KLF13: variants seen among roughly 807,000 people sequenced by gnomAD.
KLF13 encodes the protein KLF transcription factor 13.
A neutral mutation model predicts 16.7 loss-of-function variants in KLF13; 8 were observed. That is an observed-to-expected ratio of 0.48 (90% confidence interval 0.28 to 0.87). KLF13 has a LOEUF of 0.87. Among genes scored for constraint, KLF13 ranks in the 40% least tolerant of loss-of-function variants. KLF13 has a pLI of 0.10. For synonymous variants in KLF13, 245 were observed against 208.4 expected (o/e 1.18, Z -1.51); for missense variants, 447 against 452.2 (o/e 0.99, Z 0.10).
chr15:31,338,820 T>A (rs1442535567), intron 1 of KLF13, among the ~76,000 whole-genome samples: 3 of 152,064 alleles, frequency 2.0e-5, no homozygotes, highest in Non-Finnish European at 4.4e-5. Context: ...TCTGGCCCCA[T>A]TCTCACTTCC....
At chr15:31,384,049 G>C (rs2039765686) in intron 1 of KLF13, among the ~76,000 whole-genome samples, 1 of 152,242 alleles carries the variant, frequency 6.6e-6, no homozygotes, top group South Asian at 2.1e-4. Flanking sequence ...TGAAAGAGGT[G>C]AGGTAGGTTG....
In KLF13 at chr15:31,416,116, A is replaced by G. The variant is rs543733112; in HGVS notation, n.118-19254A>G. Among the ~76,000 whole-genome samples the G allele has an allele frequency of 8.5e-5, 13 of 152,252 alleles. 1 individual carries two copies. Among genetic ancestry groups the G allele is most frequent in the Middle Eastern group, 3.4e-3 (1 of 294 alleles). On this transcript the variant is annotated intron_variant and non_coding_transcript_variant, in intron 1 of 1. Transcript: ENST00000558225. The stretch of plus-strand genomic sequence containing the variant: ...TTCTAGAAAGATACAAACTACCAAA[A>G]CTGATTACACAAGAAATAAACAATC...
intron 1 of KLF13, among the ~76,000 whole-genome samples, chr15:31,431,302 G>A (rs1328671829): frequency 6.6e-6 from 1 of 152,054 alleles, no homozygotes; most frequent in Non-Finnish European, 1.5e-5. Flanking sequence ...CATCCAGTGT[G>A]TGGTATTATT....
chr15:31,359,060 G>A (rs1386934161), intron 1 of KLF13, among the ~76,000 whole-genome samples: 1 of 152,226 alleles, frequency 6.6e-6, no homozygotes, highest in African/African-American at 2.4e-5. Context: ...TTTGGGTTCA[G>A]CTCTCATGAG....
chr15:31,365,313 G>T (rs1000480915), intron 1 of KLF13, among the ~76,000 whole-genome samples: 1 of 152,204 alleles, frequency 6.6e-6, no homozygotes, highest in East Asian at 1.9e-4. Context: ...CCAGAGGTCT[G>T]TTGTATCCAA....
chr15:31,334,518 C>T (rs569356397), intron 1 of KLF13, among the ~76,000 whole-genome samples: 103 of 152,204 alleles, frequency 6.8e-4, no homozygotes, highest in African/African-American at 2.4e-3. Context: ...ACCTCCGCCT[C>T]CCGGGTTCAA....
chr15:31,394,590 TG>T (rs1034928815), intron 2 of KLF13, among the ~76,000 whole-genome samples: 2 of 152,184 alleles, frequency 1.3e-5, no homozygotes, highest in African/African-American at 4.8e-5. Context: ...AGAAGTCCTG[TG>T]GATATGGGCA....
chr15:31,432,593 C>T (rs1437195628), intron 1 of KLF13, among the ~76,000 whole-genome samples: 6 of 151,908 alleles, frequency 3.9e-5, no homozygotes, highest in African/African-American at 1.5e-4. Flanking sequence ...GGACTATAGG[C>T]ATGCACCACC....
At position 31,327,180 on chromosome 15, in the gene KLF13, G is replaced by A; in HGVS notation, c.-33G>A. 3.3e-6 allele frequency: 4 copies of A among 1,230,478 alleles called. No homozygotes were observed. The highest frequency in any genetic ancestry group is 3.4e-4 in the Middle Eastern group (1 of 2,948). The allele number at this position is 1,230,478 out of a possible 1,614,324, so 76.2% of individuals were successfully genotyped here. Reference sequence around the variant, plus strand: ...GCGGATGCGCGGCTGACGACTCGCAGCAAGAGCACCGCCGCCGGCCCCAGC... The same window carrying A: ...GCGGATGCGCGGCTGACGACTCGCAACAAGAGCACCGCCGCCGGCCCCAGC... On this transcript the variant is annotated 5_prime_UTR_variant, in exon 1 of 2. Coordinates refer to ENST00000307145, the MANE Select transcript of KLF13 (RefSeq NM_015995.4).
intron 1 of KLF13, among the ~76,000 whole-genome samples, chr15:31,369,908 CTCTA>C (rs1297931225): frequency 6.6e-6 from 1 of 152,182 alleles, no homozygotes; most frequent in Non-Finnish European, 1.5e-5. Context: ...TTCCCCCTCT[CTCTA>C]TTAAGCTGTG....
chr15:31,413,095 C>T (rs1595507539), intron 1 of KLF13, among the ~76,000 whole-genome samples: 2 of 148,562 alleles, frequency 1.3e-5, no homozygotes, highest in Non-Finnish European at 1.5e-5. Flanking sequence ...AGTGGTTTCA[C>T]ATCTGGATGT....
intron 1 of KLF13, among the ~76,000 whole-genome samples, chr15:31,360,368 C>CT (rs1256717401): frequency 3.9e-5 from 6 of 152,216 alleles, no homozygotes; most frequent in Non-Finnish European, 5.9e-5. Context: ...CAGTGGGGCT[C>CT]TGTTTCAGGC....
intron 1 of KLF13, among the ~76,000 whole-genome samples, chr15:31,385,179 G>A (rs951803924): frequency 2.0e-5 from 3 of 152,168 alleles, no homozygotes; most frequent in African/African-American, 7.2e-5. Context: ...GGACTTCCCT[G>A]CCTCTAGAAC....
In KLF13 at chr15:31,371,995, C is replaced by T. The variant is rs1020595988; in HGVS notation, c.578-15C>T. On this transcript the variant is annotated splice_polypyrimidine_tract_variant and intron_variant, in intron 1 of 1. Transcript: ENST00000307145. ...GCCAGGTGCGGATACTGATGCTCTGCCCCTGTGCCCACAGGTGAGAGGCCC... is the reference window on the plus strand; with the variant it reads ...GCCAGGTGCGGATACTGATGCTCTGTCCCTGTGCCCACAGGTGAGAGGCCC... 1 of 1,590,244 alleles carries T rather than the reference C, an allele frequency of 6.3e-7. No homozygotes were observed. Among genetic ancestry groups the T allele is most frequent in the Admixed American group, 1.8e-5 (1 of 56,648 alleles).
At chr15:31,401,190 G>A (rs1276945139) in intron 2 of KLF13, among the ~76,000 whole-genome samples, 2 of 152,112 alleles carry the variant, frequency 1.3e-5, no homozygotes, top group African/African-American at 4.8e-5. Context: ...AGTAGAGACC[G>A]GGTTTCACCA....
chr15:31,349,068 C>G (rs978075719), intron 1 of KLF13, among the ~76,000 whole-genome samples: 3 of 152,166 alleles, frequency 2.0e-5, no homozygotes, highest in African/African-American at 7.2e-5. Flanking sequence ...TATGGGTTTT[C>G]AGGAGGCACA....
rs76553881 is a variant in KLF13, at chr15:31,428,465, A to G, written n.118-6905A>G. On this transcript the variant is annotated intron_variant and non_coding_transcript_variant, in intron 1 of 1. Transcript: ENST00000558225. ...ATGTAACCTCAGTCAAAATTTCAAC[A>G]GGTTTTTTGGTAGAACTTCAGAAGC... Among the ~76,000 whole-genome samples the G allele has an allele frequency of 3.0e-3, 457 of 152,288 alleles. 2 individuals carry two copies. Among genetic ancestry groups the G allele is most frequent in the African/African-American group, 0.01 (433 of 41,558 alleles).
intron 2 of KLF13, among the ~76,000 whole-genome samples, chr15:31,398,395 T>G (rs992406562): frequency 6.6e-5 from 10 of 152,310 alleles, no homozygotes; most frequent in Non-Finnish European, 1.0e-4. Context: ...AAACAGCTGC[T>G]GGCATTTCGT....
At chr15:31,413,409 A>G (rs1009156308) in intron 1 of KLF13, among the ~76,000 whole-genome samples, 1 of 152,158 alleles carries the variant, frequency 6.6e-6, no homozygotes, top group African/African-American at 2.4e-5. Context: ...ATTAGAAAAG[A>G]TTTACGAACA....
Sources: gnomAD v4.1 joint callset for allele counts (sites outside exome capture counted in the v4.1 genomes callset) on GRCh38, gnomAD v4.1.1 for gene constraint, MANE v1.5 for transcripts, NCBI Gene and HGNC (gene_info 2026-07-23, HGNC 2026-07-21) for gene names.